The following HIP1 variants were observed in gnomAD, a reference collection of about 807,000 sequenced individuals.
HIP1 encodes huntingtin interacting protein 1.
In HIP1, 65 loss-of-function variants were observed where a neutral mutation model predicts 147.6. That is an observed-to-expected ratio of 0.44 (90% CI 0.36 to 0.54). HIP1 has a LOEUF of 0.54. Ranked by LOEUF, HIP1 falls within the 20% of genes least tolerant of loss-of-function variation. The pLI, the probability that HIP1 is intolerant of heterozygous loss-of-function variation, is 0.00. For missense variants in HIP1, 1,061 were observed against 1,299.6 expected (o/e 0.82, Z 2.82); for synonymous variants, 479 against 504.0 (o/e 0.95, Z 0.67).
At chr7:75,551,096 TAGA>T (rs1794764634) in intron 22 of HIP1, among the ~76,000 whole-genome samples, 2 of 151,526 alleles carry the variant, frequency 1.3e-5, no homozygotes, top group Non-Finnish European at 2.9e-5. Context: ...AAGCCAGTTG[TAGA>T]AGAATATATA....
At chr7:75,717,676 C>CAAAAAAA (rs55982331) in intron 1 of HIP1, among the ~76,000 whole-genome samples, 6 of 117,742 alleles carry the variant, frequency 5.1e-5, no homozygotes, top group Non-Finnish European at 3.4e-5. Flanking sequence ...ACTAAAAATA[C>CAAAAAAA]AAAAAAAAAA....
At chr7:75,623,032 T>C (rs1387264460) in intron 1 of HIP1, among the ~76,000 whole-genome samples, 1 of 151,056 alleles carries the variant, frequency 6.6e-6, no homozygotes, top group African/African-American at 2.4e-5. Flanking sequence ...AGCCTGTCTC[T>C]AATAAAAATA....
intron 7 of HIP1, among the ~76,000 whole-genome samples, chr7:75,577,932 G>A (rs751488439): frequency 4.6e-5 from 7 of 152,112 alleles, no homozygotes; most frequent in South Asian, 2.1e-4. Flanking sequence ...CCTGGGAGGC[G>A]GAGGTTGCAG....
intron 1 of HIP1, among the ~76,000 whole-genome samples, chr7:75,738,373 TC>T (rs1802093388): frequency 6.6e-6 from 1 of 150,912 alleles, no homozygotes; most frequent in African/African-American, 2.4e-5. Context: ...GGAAGAGAGG[TC>T]CCCTCACCCT....
rs2116699161 is a variant in HIP1 at position 75,535,292 on chromosome 7, G to C, written c.*2880C>G. ...AGATGGAGTCTCGCTCTGTCACTCA[G>C]GCTGGAGTGCAGTGGGAAATCATGG... On this transcript the variant is annotated 3_prime_UTR_variant, in exon 31 of 31. Transcript: ENST00000336926. 2 of 200,576 alleles carry C rather than the reference G, an allele frequency of 1.0e-5. No homozygotes were observed. The highest frequency in any genetic ancestry group is 3.3e-3 in the Middle Eastern group (2 of 606). The allele number at this position is 200,576 out of a possible 1,614,324, so 12.4% of individuals were successfully genotyped here.
At chr7:75,738,464 A>G (rs1802097760) in intron 1 of HIP1, among the ~76,000 whole-genome samples, 1 of 151,972 alleles carries the variant, frequency 6.6e-6, no homozygotes, top group Admixed American at 6.5e-5. Context: ...TCCCTTGTTT[A>G]GGGGCAACCC....
At chr7:75,715,265 C>G (rs932035980) in intron 1 of HIP1, among the ~76,000 whole-genome samples, 3 of 151,898 alleles carry the variant, frequency 2.0e-5, no homozygotes, top group Non-Finnish European at 4.4e-5. Flanking sequence ...GCAGTGTGTG[C>G]CTGTAGTTCC....
intron 29 of HIP1, among the ~76,000 whole-genome samples, chr7:75,539,875 T>A (rs1332403742): frequency 6.6e-6 from 1 of 152,190 alleles, no homozygotes; most frequent in Non-Finnish European, 1.5e-5. Context: ...CTCTGAGAAA[T>A]CACTATCTAA....
chr7:75,541,726 A>C (rs1382305678), intron 29 of HIP1, among the ~76,000 whole-genome samples, 193 bp downstream of exon 29: 1 of 24,922 alleles, frequency 4.0e-5, no homozygotes, highest in Non-Finnish European at 8.4e-5. Flanking sequence ...CAAGACAAAC[A>C]AAAAAAAAAA....
At chr7:75,701,771 T>C (rs1469114133) in intron 1 of HIP1, among the ~76,000 whole-genome samples, 2 of 152,050 alleles carry the variant, frequency 1.3e-5, no homozygotes. Context: ...GAGGACTGTT[T>C]GAGCCCAGGA....
In HIP1 at chr7:75,558,374, T is replaced by TCACC. The variant is rs1173975796; in HGVS notation, c.1376-123_1376-120dup. ...TTTGTTTTGAGACAGTCTTGCTCTG[T>TCACC]CACCCAGGCTGGGGTGCAGTGGCAC... On this transcript the variant is annotated intron_variant, in intron 14 of 30. Coordinates refer to ENST00000336926, the MANE Select transcript of HIP1 (RefSeq NM_005338.7). The TCACC allele has an allele frequency of 6.4e-6, 5 of 784,650 alleles. No individual in the cohort carries two copies. In the African/African-American group the frequency reaches 6.7e-5, roughly 11 times the overall value. 48.6% of individuals were successfully genotyped at this position (784,650 alleles called of 1,614,324 possible).
Position 75,546,996 on chromosome 7 carries a change from A to C in HIP1, c.2502T>G (p.Ile834Met). 1 of 1,588,836 alleles carries C rather than the reference A, an allele frequency of 6.3e-7. No homozygotes were observed. The highest frequency in any genetic ancestry group is 2.3e-5 in the East Asian group (1 of 44,362). The stretch of plus-strand genomic sequence containing the variant: ...CCTTAGAGGCCACGATGAGCACCTG[A>C]ATAGCTTGCATGAGGCTGGTACAGC... ...LGCCTSLMQAIQVLIVASKDL... is the reference protein window; with the variant it reads ...LGCCTSLMQAMQVLIVASKDL... The change falls in exon 25 of 31, where the codon ATT becomes ATG. Residue 834 changes from isoleucine (I) to methionine (M), a missense_variant. Physicochemically the swap from Ile to Met is conservative, Grantham distance 10. Transcript: ENST00000336926.
chr7:75,556,806 T>C lies in HIP1; in HGVS notation c.1587A>G (p.Gln529=), dbSNP rs1795022899. The C allele has an allele frequency of 6.2e-7, 1 of 1,607,324 alleles. No homozygotes were observed. The highest frequency in any genetic ancestry group is 2.2e-5 in the East Asian group (1 of 44,830). ...AGCTCTCTAGAACTTCCAGCTGTTC[T>C]TGAGTCTGAAAGAGAAGAAAAACAG... The part of the protein sequence containing the change: ...RISDQGQRKT[Q]EQLEVLESLK... Residue 529 remains glutamine, a synonymous_variant, in exon 17 of 31, where the codon CAA becomes CAG. Transcript: ENST00000336926.
chr7:75,664,164 TTACATACATATATG>T (rs1322276232), intron 1 of HIP1, among the ~76,000 whole-genome samples: 3 of 39,680 alleles, frequency 7.6e-5, no homozygotes, highest in Admixed American at 5.7e-4. Context: ...GTGTGTATAT[TTACATACATATATG>T]TACATACATA....
intron 22 of HIP1, among the ~76,000 whole-genome samples, chr7:75,552,212 T>C (rs1246684078): frequency 1.3e-5 from 2 of 151,882 alleles, no homozygotes; most frequent in Admixed American, 1.3e-4. Flanking sequence ...TCTTAACCAA[T>C]ATATTCCAAT....
intron 1 of HIP1, among the ~76,000 whole-genome samples, chr7:75,603,064 C>T (rs1227592350): frequency 2.7e-5 from 4 of 149,302 alleles, no homozygotes; most frequent in African/African-American, 1.0e-4. Context: ...GAATCCTTCC[C>T]GGCCGGGCGC....
chr7:75,721,038 CAAAA>C (rs782224120), intron 1 of HIP1, among the ~76,000 whole-genome samples: 2 of 70,874 alleles, frequency 2.8e-5, no homozygotes, highest in African/African-American at 5.0e-5. Context: ...AACTCCATCT[CAAAA>C]AAAAAAAAAA....
chr7:75,652,570 GCCTGGGCTGGTCTTGAACT>G (rs1326113512), intron 1 of HIP1, among the ~76,000 whole-genome samples: 3 of 151,870 alleles, frequency 2.0e-5, no homozygotes, highest in Admixed American at 1.3e-4. Context: ...CGTTTTTGTT[GCCTGGGCTGGTCTTGAACT>G]CCTGGGCTCA....
intron 2 of HIP1, among the ~76,000 whole-genome samples, chr7:75,593,387 T>C (rs1277156165): frequency 1.3e-5 from 2 of 152,042 alleles, no homozygotes; most frequent in Admixed American, 1.3e-4. Flanking sequence ...TCCCAGCACT[T>C]TGGGGGGCCA....
Sources: gnomAD v4.1 joint callset for allele counts (sites outside exome capture counted in the v4.1 genomes callset) on GRCh38, gnomAD v4.1.1 for gene constraint, MANE v1.5 for transcripts, NCBI Gene and HGNC (gene_info 2026-07-23, HGNC 2026-07-21) for gene names.